CHLSN: variants seen among roughly 807,000 people sequenced by gnomAD.
CHLSN encodes the protein cholesin.
the CHLSN span, among the ~76,000 whole-genome samples, chr7:1,115,973 T>G: frequency 9.3e-6 from 1 of 107,560 alleles, no homozygotes; most frequent in African/African-American, 3.3e-5. Context: ...GATGATGACA[T>G]CACTGCAGCT....
the CHLSN span, among the ~76,000 whole-genome samples, chr7:1,099,440 C>T: frequency 0.16 from 24,286 of 152,276 alleles, 2,170 homozygotes; most frequent in South Asian, 0.19. Context: ...GAAGGGTTTC[C>T]GCCATCTGGA....
chr7:1,107,126 C>T, the CHLSN span, among the ~76,000 whole-genome samples: 61 of 152,200 alleles, frequency 4.0e-4, no homozygotes, highest in African/African-American at 1.4e-3. Context: ...TGAAGAGAAG[C>T]GGGGAAGGGA....
the CHLSN span, among the ~76,000 whole-genome samples, chr7:1,018,559 C>A: frequency 2.6e-5 from 4 of 152,130 alleles, no homozygotes; most frequent in African/African-American, 7.2e-5. Context: ...AGGCACCTGG[C>A]GTGGGCTCCA....
chr7:983,304 G>A, the CHLSN span: 1 of 1,541,572 alleles, frequency 6.5e-7, no homozygotes, highest in Non-Finnish European at 8.7e-7. Flanking sequence ...CTGCCCGGTG[G>A]CCCCCGGGGC....
the CHLSN span, among the ~76,000 whole-genome samples, chr7:1,134,661 G>A: frequency 5.3e-5 from 8 of 151,996 alleles, no homozygotes; most frequent in African/African-American, 1.5e-4. Flanking sequence ...AAGGTCAGGA[G>A]ATCGAGACCA....
chr7:1,051,090 C>G, the CHLSN span, among the ~76,000 whole-genome samples: 4 of 152,224 alleles, frequency 2.6e-5, no homozygotes, highest in Non-Finnish European at 4.4e-5. Context: ...CAGAGGGCAC[C>G]AGCACACCCG....
the CHLSN span, chr7:1,021,389 G>A: frequency 2.0e-6 from 2 of 985,462 alleles, no homozygotes; most frequent in Non-Finnish European, 2.4e-6. Context: ...GCGGATTTCA[G>A]TGACTGAACC....
the CHLSN span, among the ~76,000 whole-genome samples, chr7:1,036,504 G>A: frequency 6.6e-6 from 1 of 151,570 alleles, no homozygotes; most frequent in Non-Finnish European, 1.5e-5. Context: ...GTGGGGTTCG[G>A]GTGCTCGTGG....
At chr7:1,023,428 C>A in the CHLSN span, among the ~76,000 whole-genome samples, 1 of 152,064 alleles carries the variant, frequency 6.6e-6, no homozygotes, top group African/African-American at 2.4e-5. This position sits in a 1 kb window ranked among gnomAD's most constrained non-coding sequence, Gnocchi z 5.0. Flanking sequence ...CATGGACAGA[C>A]TCCCAGCCCC....
the CHLSN span, among the ~76,000 whole-genome samples, chr7:1,088,496 G>A: frequency 4.6e-5 from 7 of 152,240 alleles, no homozygotes; most frequent in East Asian, 1.9e-4. This position sits in a 1 kb window ranked among gnomAD's most constrained non-coding sequence, Gnocchi z 4.5. Context: ...CCTCTCCCCC[G>A]GAGCTCCGGT....
At chr7:1,085,807 T>C in the CHLSN span, among the ~76,000 whole-genome samples, 1 of 150,744 alleles carries the variant, frequency 6.6e-6, no homozygotes, top group South Asian at 2.1e-4. Flanking sequence ...CACACTGGCC[T>C]GGGCAACAGA....
At chr7:1,036,472 C>T in the CHLSN span, among the ~76,000 whole-genome samples, 8 of 150,890 alleles carry the variant, frequency 5.3e-5, no homozygotes, top group African/African-American at 9.8e-5. Flanking sequence ...GTGTAGGGTT[C>T]GGGTGCTCGT....
the CHLSN span, chr7:984,636 G>T: frequency 6.6e-7 from 1 of 1,507,708 alleles, no homozygotes. Context: ...CCCCAGGAGG[G>T]GTGGGGGCTC....
the CHLSN span, among the ~76,000 whole-genome samples, chr7:1,073,016 A>G: frequency 3.3e-5 from 5 of 152,152 alleles, no homozygotes; most frequent in Non-Finnish European, 5.9e-5. Context: ...GGTAATCTGT[A>G]TCTTAAAACA....
chr7:1,042,783 A>G, the CHLSN span, among the ~76,000 whole-genome samples: 1 of 152,128 alleles, frequency 6.6e-6, no homozygotes, highest in African/African-American at 2.4e-5. Flanking sequence ...AGGGATTCTG[A>G]GGTCTTGGGC....
chr7:988,086 C>T, the CHLSN span, among the ~76,000 whole-genome samples: 1 of 150,838 alleles, frequency 6.6e-6, no homozygotes, highest in Non-Finnish European at 1.5e-5. Context: ...TCCTCTCTAT[C>T]CTTGGGGCCC....
chr7:986,659 C>A, the CHLSN span: 1 of 1,612,726 alleles, frequency 6.2e-7, no homozygotes, highest in Non-Finnish European at 8.5e-7. Context: ...GGGCCCTGCT[C>A]CAGCTGCACC....
At chr7:1,012,760 G>A in the CHLSN span, among the ~76,000 whole-genome samples, 1 of 152,264 alleles carries the variant, frequency 6.6e-6, no homozygotes, top group East Asian at 1.9e-4. Flanking sequence ...TGCGCCCGGA[G>A]AGCCAGGGGC....
chr7:1,012,533 G>A, the CHLSN span, among the ~76,000 whole-genome samples: 1 of 152,238 alleles, frequency 6.6e-6, no homozygotes, highest in Non-Finnish European at 1.5e-5. Context: ...ACCCACTCTT[G>A]CTTCTGGCCA....
Sources: gnomAD v4.1 joint callset for allele counts (sites outside exome capture counted in the v4.1 genomes callset) on GRCh38, gnomAD v4.1.1 for gene constraint, Gnocchi (gnomAD v3.1) non-coding constraint, MANE v1.5 for transcripts, NCBI Gene and HGNC (gene_info 2026-07-23, HGNC 2026-07-21) for gene names.